Variants in ACBD3 observed in about 807,000 individuals in gnomAD.
ACBD3 encodes the protein acyl-CoA binding domain containing 3.
A neutral mutation model predicts 66.9 loss-of-function variants in ACBD3; 30 were observed. That is an observed-to-expected ratio of 0.45 (90% CI 0.34 to 0.61). The LOEUF (loss-of-function observed/expected upper bound fraction) is 0.61, where lower values mean the gene tolerates loss of function less well. Among genes scored for constraint, ACBD3 ranks in the 20% least tolerant of loss-of-function variants. The probability of loss-of-function intolerance (pLI) is 0.02; values close to 1 mark genes in which losing one functional copy is unlikely to be tolerated. For missense variants in ACBD3, 544 were observed against 664.5 expected (o/e 0.82, Z 1.99); for synonymous variants, 278 against 259.8 (o/e 1.07, Z -0.68).
chr1:226,165,429 C>T (rs1386186036), intron 2 of ACBD3, among the ~76,000 whole-genome samples: 2 of 152,166 alleles, frequency 1.3e-5, no homozygotes, highest in African/African-American at 4.8e-5. Flanking sequence ...CCTCGGCCTC[C>T]CAAAGTGCCG....
At chr1:226,171,534 A>AT (rs1659991909) in intron 1 of ACBD3, among the ~76,000 whole-genome samples, 1 of 151,826 alleles carries the variant, frequency 6.6e-6, no homozygotes, top group Non-Finnish European at 1.5e-5. Flanking sequence ...CTTAAAAAGT[A>AT]TATTTATTTA....
intron 1 of ACBD3, among the ~76,000 whole-genome samples, chr1:226,168,343 A>G (rs762516955): frequency 6.6e-6 from 1 of 152,192 alleles, no homozygotes; most frequent in Non-Finnish European, 1.5e-5. Flanking sequence ...CTGTATTTCA[A>G]AACTATAAAT....
At chr1:226,176,433 A>C (rs1189998408) in intron 1 of ACBD3, among the ~76,000 whole-genome samples, 7 of 151,214 alleles carry the variant, frequency 4.6e-5, no homozygotes. Flanking sequence ...CCGTCTCAAA[A>C]AAAAAAAAAA....
rs1558129689 is a variant in ACBD3, at chr1:226,172,186, AGTGCT to A, written c.287-6191_287-6187del. On this transcript the variant is annotated intron_variant, in intron 1 of 7. Coordinates refer to ENST00000366812, the MANE Select transcript of ACBD3 (RefSeq NM_022735.4). ...AAAAAAAAAAGAGGAATACATTTTCAGTGCTAGTCCTGGTCAGGCAAACAGATTCG... is the reference window on the plus strand; with the variant it reads ...AAAAAAAAAAGAGGAATACATTTTCAAGTCCTGGTCAGGCAAACAGATTCG... Among the ~76,000 whole-genome samples, 370 of 115,934 alleles carry A rather than the reference AGTGCT, an allele frequency of 3.2e-3. 14 individuals are homozygous for A. Among genetic ancestry groups the A allele is most frequent in the Middle Eastern group, 8.3e-3 (2 of 240 alleles). The allele number at this position is 115,934 out of a possible 152,430, so 76.1% of individuals were successfully genotyped here.
At chr1:226,168,308 C>G (rs1659912928) in intron 1 of ACBD3, among the ~76,000 whole-genome samples, 1 of 152,142 alleles carries the variant, frequency 6.6e-6, no homozygotes, top group African/African-American at 2.4e-5. Flanking sequence ...GAAGGGAAAG[C>G]AAAACCATGG....
intron 5 of ACBD3, among the ~76,000 whole-genome samples, chr1:226,157,102 T>C (rs1284745562): frequency 1.3e-5 from 2 of 152,212 alleles, no homozygotes; most frequent in Non-Finnish European, 1.5e-5. Context: ...AATGTGTTCA[T>C]TTTGCTATTT....
At chr1:226,163,730 C>T (rs897445171) in intron 3 of ACBD3, among the ~76,000 whole-genome samples, 3 of 152,152 alleles carry the variant, frequency 2.0e-5, no homozygotes, top group African/African-American at 7.2e-5. Flanking sequence ...ATTTTTCATG[C>T]TTTCTATTAT....
intron 1 of ACBD3, among the ~76,000 whole-genome samples, chr1:226,173,753 T>C (rs1383070375): frequency 7.8e-6 from 1 of 128,648 alleles, no homozygotes; most frequent in Admixed American, 8.3e-5. Context: ...TTTTTTTTTC[T>C]TTTCTTTTTT....
chr1:226,150,932 T>C (rs890783465), intron 7 of ACBD3, among the ~76,000 whole-genome samples: 5 of 152,248 alleles, frequency 3.3e-5, no homozygotes, highest in African/African-American at 1.2e-4. Flanking sequence ...TGATGGTTCA[T>C]GTAGATAATG....
At chr1:226,174,908 C>A (rs915484343) in intron 1 of ACBD3, among the ~76,000 whole-genome samples, 1 of 151,826 alleles carries the variant, frequency 6.6e-6, no homozygotes, top group Non-Finnish European at 1.5e-5. Context: ...GCCTGACCAA[C>A]ATGGTGAAAC....
intron 1 of ACBD3, among the ~76,000 whole-genome samples, chr1:226,174,460 C>T (rs891342704): frequency 2.6e-5 from 4 of 152,042 alleles, no homozygotes; most frequent in African/African-American, 9.7e-5. Flanking sequence ...AATAAGGAAG[C>T]CAATTTAGAG....
intron 7 of ACBD3, among the ~76,000 whole-genome samples, chr1:226,151,043 T>C (rs1312955907): frequency 6.6e-6 from 1 of 152,210 alleles, no homozygotes; most frequent in Non-Finnish European, 1.5e-5. Context: ...ACACCTGCAG[T>C]GTATGTTTCT....
chr1:226,155,405 G>A (rs1475699792), intron 5 of ACBD3, among the ~76,000 whole-genome samples: 6 of 121,520 alleles, frequency 4.9e-5, no homozygotes, highest in African/African-American at 9.8e-5. Flanking sequence ...CAACAAAAGC[G>A]AAACTCCATC....
In ACBD3 at chr1:226,159,362, A is replaced by C; in HGVS notation, c.729-4T>G. ...TAAAGCTGCCATTATCTGCTGCCTAAAAACATTAAAAATATATATACTAGT... is the reference window on the plus strand; with the variant it reads ...TAAAGCTGCCATTATCTGCTGCCTACAAACATTAAAAATATATATACTAGT... On this transcript the variant is annotated splice_region_variant and splice_polypyrimidine_tract_variant and intron_variant, in intron 4 of 7. Transcript: ENST00000366812. 2 of 1,613,932 alleles carry C rather than the reference A, an allele frequency of 1.2e-6. No homozygotes were observed. Among genetic ancestry groups the C allele is most frequent in the Non-Finnish European group, 1.7e-6 (2 of 1,179,850 alleles).
chr1:226,178,574 C>CAAAAAAAAAAAAAAA (rs57231361), intron 1 of ACBD3, among the ~76,000 whole-genome samples: 17 of 83,624 alleles, frequency 2.0e-4, no homozygotes, highest in East Asian at 7.2e-4. Context: ...GACTCCGTCT[C>CAAAAAAAAAAAAAAA]AAAAAAAAAA....
At chr1:226,151,319 T>C (rs190777456) in intron 7 of ACBD3, among the ~76,000 whole-genome samples, 29 of 152,360 alleles carry the variant, frequency 1.9e-4, no homozygotes, top group African/African-American at 6.5e-4. Flanking sequence ...ATGCATTCCA[T>C]ATCACTTTCA....
chr1:226,177,075 A>G (rs1265212658), intron 1 of ACBD3, among the ~76,000 whole-genome samples: 1 of 152,080 alleles, frequency 6.6e-6, no homozygotes, highest in Non-Finnish European at 1.5e-5. Context: ...AATATTCCTG[A>G]TATGAGGAAA....
chr1:226,179,427 ACTAT>A (rs1468086336), intron 1 of ACBD3, among the ~76,000 whole-genome samples: 1 of 152,140 alleles, frequency 6.6e-6, no homozygotes, highest in Non-Finnish European at 1.5e-5. Flanking sequence ...GGAGAGCAGG[ACTAT>A]CTCTCTCTTT....
chr1:226,184,104 TG>T (rs1325182997), intron 1 of ACBD3, among the ~76,000 whole-genome samples: 3 of 152,248 alleles, frequency 2.0e-5, no homozygotes, highest in Admixed American at 6.5e-5. Flanking sequence ...GGCAGGAGAA[TG>T]GAGTGAATCC....
Sources: gnomAD v4.1 joint callset for allele counts (sites outside exome capture counted in the v4.1 genomes callset) on GRCh38, gnomAD v4.1.1 for gene constraint, MANE v1.5 for transcripts, NCBI Gene and HGNC (gene_info 2026-07-23, HGNC 2026-07-21) for gene names.